The following ITGB1BP2 variants were observed in gnomAD, a reference collection of about 807,000 sequenced individuals.
The protein encoded by ITGB1BP2 is integrin beta-1-binding protein 2.
A neutral mutation model predicts 32.2 loss-of-function variants in ITGB1BP2; 27 were observed. That is an observed-to-expected ratio of 0.84 (90% confidence interval 0.62 to 1.16). The LOEUF (loss-of-function observed/expected upper bound fraction) is 1.16. ITGB1BP2 is among the 50% of genes most tolerant of loss of function. The pLI, the probability that ITGB1BP2 is intolerant of heterozygous loss-of-function variation, is 0.00. For synonymous variants in ITGB1BP2, 105 were observed against 94.7 expected (o/e 1.11, Z -0.63); for missense variants, 250 against 267.3 (o/e 0.94, Z 0.45).
intron 1 of ITGB1BP2, 60 bp downstream of exon 1, chrX:71,301,930 TG>T: frequency 9.8e-7 from 1 of 1,016,144 alleles, no homozygotes; most frequent in Non-Finnish European, 1.4e-6. Flanking sequence ...ACTGGTCAGC[TG>T]GGGGGCAGTG....
Position 71,303,377 on chromosome X carries a change from A to T in ITGB1BP2, c.412+21A>T, listed in dbSNP as rs2031646131. Reference sequence around the variant, plus strand: ...GGCAGGTAGGTGGGTCTTTAGTAGGATCAACTTCATAGACTGGAATTTAGT... The same window carrying T: ...GGCAGGTAGGTGGGTCTTTAGTAGGTTCAACTTCATAGACTGGAATTTAGT... On this transcript the variant is annotated intron_variant, in intron 5 of 10. Coordinates refer to ENST00000373829, the MANE Select transcript of ITGB1BP2 (RefSeq NM_012278.4). The T allele has an allele frequency of 4.1e-6, 5 of 1,208,157 alleles. No homozygotes were observed. In the East Asian group the frequency reaches 1.5e-4, roughly 36 times the overall value.
Position 71,302,167 on chromosome X carries a change from T to C in ITGB1BP2, c.95T>C (p.Ile32Thr), listed in dbSNP as rs1602393667. 8.3e-7 allele frequency: 1 copy of C among 1,208,515 alleles called. No individual in the cohort carries two copies. Among genetic ancestry groups the C allele is most frequent in the East Asian group, 3.0e-5 (1 of 33,712 alleles). ...TGTTGCCATCACCCTGGGGTCCCAA[T>C]CTTCCATGATGCACTTAAGGTGAGG... ...DSCCHHPGVP[I>T]FHDALKGWSC... The change falls in exon 2 of 11, where the codon ATC (isoleucine) becomes ACC (threonine). Residue 32 changes from isoleucine (I) to threonine (T), a missense_variant. By Grantham distance (89) the Ile-to-Thr change is moderately conservative. Transcript: ENST00000373829.
At chrX:71,303,583 A>G (rs1222990213) in intron 6 of ITGB1BP2, 44 bp from the exon 7 acceptor site, 2 of 1,200,075 alleles carry the variant, frequency 1.7e-6, no homozygotes, top group Middle Eastern at 2.3e-4. Context: ...TAGGCTGAGT[A>G]GGATATACCT....
chrX:71,303,156 C>T, intron 4 of ITGB1BP2, 106 bp from the exon 5 acceptor site: 1 of 722,270 alleles, frequency 1.4e-6, no homozygotes, highest in Admixed American at 3.6e-5. Context: ...TCCAACTCTG[C>T]CTCACTTTCA....
chrX:71,304,872 TTCTC>T, intron 10 of ITGB1BP2, 89 bp from the exon 11 acceptor site: 1 of 668,464 alleles, frequency 1.5e-6, no homozygotes, highest in South Asian at 2.7e-5. Flanking sequence ...TATTAAAAAT[TTCTC>T]TCTCTCATTT....
At chrX:71,302,599 G>C in intron 4 of ITGB1BP2, 43 bp downstream of exon 4, 1 of 1,156,269 alleles carries the variant, frequency 8.6e-7, no homozygotes, top group Non-Finnish European at 1.2e-6. Context: ...TTTTCATGTA[G>C]CTTCCTAGGA....
chrX:71,302,234 T>C, intron 2 of ITGB1BP2, 43 bp from the exon 3 acceptor site: 1 of 1,210,097 alleles, frequency 8.3e-7, no homozygotes, highest in Non-Finnish European at 1.1e-6. Context: ...CCAGAAGAGA[T>C]AATACCCAGG....
intron 1 of ITGB1BP2, 104 bp from the exon 2 acceptor site, chrX:71,302,029 TCACA>T (rs2031619909): frequency 2.2e-5 from 21 of 944,334 alleles, no homozygotes; most frequent in Admixed American, 6.8e-5. Context: ...TTTTTTTTCT[TCACA>T]TTATATGGGA....
At chrX:71,303,179 A>T in intron 4 of ITGB1BP2, 83 bp from the exon 5 acceptor site, 1 of 875,948 alleles carries the variant, frequency 1.1e-6, no homozygotes, top group African/African-American at 2.0e-5. Flanking sequence ...AGGCTTCTTT[A>T]ATTCCATTAC....
At chrX:71,303,581 G>C (rs1490275671) in intron 6 of ITGB1BP2, 46 bp from the exon 7 acceptor site, 2 of 1,200,989 alleles carry the variant, frequency 1.7e-6, no homozygotes, top group Admixed American at 4.4e-5. Context: ...GATAGGCTGA[G>C]TAGGATATAC....
chrX:71,302,346 T>C lies in ITGB1BP2; in HGVS notation c.171+13T>C, dbSNP rs779836969. ...CTTAAACATCAAGGTAAATTATTTATGTACTTGGATTCTGCCCCCAATAGA... is the reference window on the plus strand; with the variant it reads ...CTTAAACATCAAGGTAAATTATTTACGTACTTGGATTCTGCCCCCAATAGA... On this transcript the variant is annotated intron_variant, in intron 3 of 10. Transcript: ENST00000373829. 2 of 1,211,129 alleles carry C rather than the reference T, an allele frequency of 1.7e-6. No homozygotes were observed. The highest frequency in any genetic ancestry group is 1.8e-5 in the South Asian group (1 of 56,965).
chrX:71,302,065 G>T (rs536662823), intron 1 of ITGB1BP2, 72 bp from the exon 2 acceptor site: 6 of 1,080,224 alleles, frequency 5.6e-6, no homozygotes, highest in Non-Finnish European at 5.1e-6. Context: ...ATAGAAACCC[G>T]GGGAAGAGGT....
rs1326756250 is a variant in ITGB1BP2 at position 71,304,827 on chromosome X, A to C, written c.817-138A>C. 36 of 489,284 alleles carry C rather than the reference A, an allele frequency of 7.4e-5. No homozygotes were observed. In the East Asian group the frequency reaches 1.3e-3, roughly 18 times the overall value. 40.3% of individuals were successfully genotyped at this position (489,284 alleles called of 1,213,427 possible). ...CTCATTTCTTTCCTCTCTCTCCCTT[A>C]TTGTCTTATTCCTCCCTTACCTTTT... On this transcript the variant is annotated intron_variant, in intron 10 of 10. Transcript: ENST00000373829.
Position 71,301,861 on chromosome X carries a change from A to G in ITGB1BP2, c.55A>G (p.Asn19Asp). 8.3e-7 allele frequency: 1 copy of G among 1,205,573 alleles called. No homozygotes were observed. The highest frequency in any genetic ancestry group is 1.1e-6 in the Non-Finnish European group (1 of 890,309). Reference protein sequence around the residue: ...GCGQHFDPNTNLPDSCCHHPG... With the variant: ...GCGQHFDPNTDLPDSCCHHPG... ...TGGGCAGCACTTTGACCCTAATACC[A>G]ACCTTCCTGGTGAGTAAAGAATCCT... Residue 19 changes from asparagine (N) to aspartate (D), a missense_variant, in exon 1 of 11, where the codon AAC becomes GAC. Transcript: ENST00000373829.
In ITGB1BP2 at chrX:71,301,857, T is replaced by C. The variant is rs750543249; in HGVS notation, c.51T>C (p.Asn17=). The C allele has an allele frequency of 2.1e-5, 25 of 1,203,565 alleles. No individual in the cohort carries two copies. Among genetic ancestry groups the C allele is most frequent in the Non-Finnish European group, 2.2e-6 (2 of 889,993 alleles). The change falls in exon 1 of 11, where the codon AAT becomes AAC. Residue 17 remains asparagine, a synonymous_variant. Transcript: ENST00000373829. The stretch of plus-strand genomic sequence containing the variant: ...GCTGTGGGCAGCACTTTGACCCTAA[T>C]ACCAACCTTCCTGGTGAGTAAAGAA... ...NKGCGQHFDP[N]TNLPDSCCHH...
At chrX:71,303,396 A>T in intron 5 of ITGB1BP2, 40 bp downstream of exon 5, 1 of 1,208,281 alleles carries the variant, frequency 8.3e-7, no homozygotes, top group Admixed American at 2.2e-5. Context: ...ATAGACTGGA[A>T]TTTAGTGGAA....
chrX:71,303,065 G>A (rs376421463), intron 4 of ITGB1BP2, among the ~76,000 whole-genome samples, 197 bp from the exon 5 acceptor site: 11 of 111,690 alleles, frequency 9.8e-5, no homozygotes, highest in African/African-American at 3.6e-4. Flanking sequence ...GGTAAGAGAA[G>A]TGCTGGGGAT....
chrX:71,303,949 A>C, intron 8 of ITGB1BP2, 38 bp downstream of exon 8: 1 of 1,078,635 alleles, frequency 9.3e-7, no homozygotes. Flanking sequence ...ATTAGAACCC[A>C]ATCTCAGAGG....
Position 71,305,301 on chromosome X carries a change from G to A in ITGB1BP2, c.*109G>A. The A allele has an allele frequency of 1.5e-6, 1 of 676,251 alleles. No homozygotes were observed. Among genetic ancestry groups the A allele is most frequent in the Non-Finnish European group, 2.2e-6 (1 of 456,628 alleles). The allele number at this position is 676,251 out of a possible 1,213,427, so 55.7% of individuals were successfully genotyped here. A position where few individuals can be genotyped will look rare whatever the true frequency, so the allele number is the denominator to read the frequency against. On this transcript the variant is annotated 3_prime_UTR_variant, in exon 11 of 11. Coordinates refer to ENST00000373829, the MANE Select transcript of ITGB1BP2 (RefSeq NM_012278.4). The stretch of plus-strand genomic sequence containing the variant: ...ATCATTGAGCAGCAGGAGGCTGAAG[G>A]AGGGGAGAACAAAATTGTCCAAACC...
Sources: gnomAD v4.1 joint callset for allele counts (sites outside exome capture counted in the v4.1 genomes callset) on GRCh38, gnomAD v4.1.1 for gene constraint, MANE v1.5 for transcripts, NCBI Gene and HGNC (gene_info 2026-07-23, HGNC 2026-07-21) for gene names.